The following GRIN2B variants were observed in gnomAD, a reference collection of about 807,000 sequenced individuals.
GRIN2B encodes the protein glutamate ionotropic receptor NMDA type subunit 2B.
Under a neutral mutation model 114.5 loss-of-function variants are expected in GRIN2B, and 5 were observed. The ratio of observed to expected loss-of-function variants is 0.04; its 90% CI spans 0.02 to 0.09. The LOEUF (loss-of-function observed/expected upper bound fraction) is 0.09, where lower values mean the gene tolerates loss of function less well. Among genes scored for constraint, GRIN2B ranks in the 10% least tolerant of loss-of-function variants. The probability of loss-of-function intolerance (pLI) is 1.00; values close to 1 mark genes in which losing one functional copy is unlikely to be tolerated. For synonymous variants in GRIN2B, 787 were observed against 745.1 expected (o/e 1.06, Z -0.92); for missense variants, 1,108 against 1,943.5 (o/e 0.57, Z 8.08).
intron 2 of GRIN2B, among the ~76,000 whole-genome samples, chr12:13,901,823 A>G (rs931342378): frequency 6.6e-6 from 1 of 152,146 alleles, no homozygotes; most frequent in South Asian, 2.1e-4. Flanking sequence ...CTTCAAGTTC[A>G]TGAGATATTC....
chr12:13,846,992 C>G (rs185763314), intron 3 of GRIN2B, among the ~76,000 whole-genome samples: 1 of 152,020 alleles, frequency 6.6e-6, no homozygotes, highest in African/African-American at 2.4e-5. Flanking sequence ...ACACGTGTCG[C>G]GGTTGCTATT....
At chr12:13,940,872 A>G (rs1867234661) in intron 2 of GRIN2B, among the ~76,000 whole-genome samples, 1 of 151,344 alleles carries the variant, frequency 6.6e-6, no homozygotes, top group Non-Finnish European at 1.5e-5. Context: ...ACAATCACCC[A>G]TGCTCTCCAC....
At chr12:13,868,705 G>A (rs1265432489) in intron 2 of GRIN2B, among the ~76,000 whole-genome samples, 1 of 152,126 alleles carries the variant, frequency 6.6e-6, no homozygotes, top group Non-Finnish European at 1.5e-5. Context: ...TATCTCTTGT[G>A]TTCCTTTATC....
intron 3 of GRIN2B, among the ~76,000 whole-genome samples, chr12:13,777,773 T>C (rs1302624501): frequency 6.6e-6 from 1 of 152,214 alleles, no homozygotes; most frequent in Non-Finnish European, 1.5e-5. Flanking sequence ...AGTATTTGCC[T>C]GCAGCTCACA....
At chr12:13,660,196 G>C (rs1381057982) in intron 5 of GRIN2B, among the ~76,000 whole-genome samples, 2 of 152,120 alleles carry the variant, frequency 1.3e-5, no homozygotes, top group Admixed American at 6.6e-5. Context: ...AAATAATCAA[G>C]TTGCTAAATT....
chr12:13,653,464 A>C (rs555909126), intron 5 of GRIN2B, among the ~76,000 whole-genome samples: 1 of 150,638 alleles, frequency 6.6e-6, no homozygotes, highest in Admixed American at 6.6e-5. Context: ...GAAGATGAGA[A>C]GATCAAAAAC....
intron 4 of GRIN2B, among the ~76,000 whole-genome samples, chr12:13,732,545 A>G (rs1033381347): frequency 2.0e-5 from 3 of 152,202 alleles, no homozygotes; most frequent in African/African-American, 7.2e-5. Flanking sequence ...CCTAGACAAT[A>G]TCCCTCTACT....
In GRIN2B at chr12:13,567,088, C is replaced by T. The variant is rs750046277; in HGVS notation, c.2535G>A (p.Gln845=). ...AGACACCCATAAAGCAATGTCGGAA[C>T]TGCCAATAGAAAAGGTGTTCGCAGA... ...TFICEHLFYW[Q]FRHCFMGVCS... is the part of the protein sequence containing the mutation. Residue 845 remains glutamine (Q), a synonymous_variant, in exon 13 of 14, where the codon CAG becomes CAA. Coordinates refer to ENST00000609686, the MANE Select transcript of GRIN2B (RefSeq NM_000834.5). 3.1e-6 allele frequency: 5 copies of T among 1,614,094 alleles called. No individual in the cohort carries two copies. Among genetic ancestry groups the T allele is most frequent in the Non-Finnish European group, 1.7e-6 (2 of 1,180,032 alleles).
chr12:13,947,844 A>G (rs931775673), intron 2 of GRIN2B, among the ~76,000 whole-genome samples: 3 of 152,008 alleles, frequency 2.0e-5, no homozygotes, highest in African/African-American at 7.3e-5. Context: ...TTGTTCTCCA[A>G]CTCACTTCCA....
At chr12:13,881,890 G>C (rs983833658) in intron 2 of GRIN2B, among the ~76,000 whole-genome samples, 2 of 152,128 alleles carry the variant, frequency 1.3e-5, no homozygotes, top group Non-Finnish European at 2.9e-5. Context: ...GATGTGGCTT[G>C]ACAGGAACAT....
At chr12:13,675,362 C>A (rs918659409) in intron 5 of GRIN2B, among the ~76,000 whole-genome samples, 1 of 152,126 alleles carries the variant, frequency 6.6e-6, no homozygotes, top group African/African-American at 2.4e-5. Flanking sequence ...CTAAACCTTT[C>A]TTCTCATAAA....
Position 13,552,524 on chromosome 12 carries a change from T to G in GRIN2B, c.*10259A>C, listed in dbSNP as rs900240345. On this transcript the variant is annotated 3_prime_UTR_variant, in exon 14 of 14. Coordinates refer to ENST00000609686, the MANE Select transcript of GRIN2B (RefSeq NM_000834.5). ...GTATTTGTAGGCAAAATAATTGACA[T>G]GAACAGTTCATGGCTAAAATGCCTA... 2 of 152,108 alleles carry G rather than the reference T, an allele frequency of 1.3e-5. No individual in the cohort carries two copies. The highest frequency in any genetic ancestry group is 2.9e-5 in the Non-Finnish European group (2 of 68,012). The allele number at this position is 152,108 out of a possible 1,614,324, so 9.4% of individuals were successfully genotyped here.
intron 2 of GRIN2B, among the ~76,000 whole-genome samples, chr12:13,882,411 CAAAT>C (rs1034804241): frequency 4.6e-5 from 7 of 152,044 alleles, no homozygotes; most frequent in African/African-American, 1.7e-4. Context: ...CCATAACAAA[CAAAT>C]AAAAATTTTT....
At chr12:13,953,882 CT>C (rs1867540682) in intron 2 of GRIN2B, among the ~76,000 whole-genome samples, 1 of 152,214 alleles carries the variant, frequency 6.6e-6, no homozygotes, top group South Asian at 2.1e-4. Flanking sequence ...TAAATTCTCC[CT>C]TTTGAATTAC....
intron 5 of GRIN2B, among the ~76,000 whole-genome samples, chr12:13,669,282 A>C (rs1251976754): frequency 6.6e-6 from 1 of 152,022 alleles, no homozygotes; most frequent in Non-Finnish European, 1.5e-5. Context: ...GCTGATCTCC[A>C]CACTTGGTAC....
At position 13,758,118 on chromosome 12, in the gene GRIN2B, ATCT is replaced by A. The variant is rs1390145805; in HGVS notation, c.412-4206_412-4204del. Among the ~76,000 whole-genome samples the A allele has an allele frequency of 2.0e-5, 3 of 152,156 alleles. No homozygotes were observed. The East Asian group carries it at 5.8e-4, about 29-fold the overall frequency. On this transcript the variant is annotated intron_variant, in intron 3 of 13. Coordinates refer to ENST00000609686, the MANE Select transcript of GRIN2B (RefSeq NM_000834.5). ...TGGCTGTTACAGGTGTAAAGACCTA[ATCT>A]TCTTGCCCTAACTCTAGACAACTCC...
chr12:13,955,967 A>G (rs2136855070), intron 2 of GRIN2B, among the ~76,000 whole-genome samples: 1 of 152,316 alleles, frequency 6.6e-6, no homozygotes, highest in Middle Eastern at 3.4e-3. Context: ...GCTGTTGCGA[A>G]TACAGAGTGA....
chr12:13,614,016 C>CAAAAAAAAAAAAA (rs77527098), intron 8 of GRIN2B, among the ~76,000 whole-genome samples: 5 of 92,896 alleles, frequency 5.4e-5, no homozygotes, highest in East Asian at 3.8e-4. Flanking sequence ...CCTTGCACAG[C>CAAAAAAAAAAAAA]AAAAAAAAAA....
In GRIN2B at chr12:13,914,173, T is replaced by C. The variant is rs148139565; in HGVS notation, c.-18-47947A>G. 2.6e-4 allele frequency among the ~76,000 whole-genome samples: 39 copies of C among 152,192 alleles called. No individual in the cohort carries two copies. In the East Asian group the frequency reaches 7.4e-3, roughly 29 times the overall value. ...AACTGGGGCAACCAGGTCAATTTCTTCAAATCAATTGTCTCACCTTTTCAC... is the reference window on the plus strand; with the variant it reads ...AACTGGGGCAACCAGGTCAATTTCTCCAAATCAATTGTCTCACCTTTTCAC... On this transcript the variant is annotated intron_variant, in intron 2 of 13. Transcript: ENST00000609686.
Sources: allele counts gnomAD v4.1 joint callset (sites outside exome capture counted in the v4.1 genomes callset), GRCh38; gene constraint gnomAD v4.1.1; transcripts MANE v1.5; gene names NCBI Gene and HGNC (gene_info 2026-07-23, HGNC 2026-07-21).